ACAD11: variants seen among roughly 807,000 people sequenced by gnomAD.
ACAD11 encodes acyl-CoA dehydrogenase family member 11, also known as acyl-Coenzyme A dehydrogenase family, member 11.
A neutral mutation model predicts 102.2 loss-of-function variants in ACAD11; 83 were observed. That is an observed-to-expected ratio of 0.81 (90% CI 0.68 to 0.97). The LOEUF (loss-of-function observed/expected upper bound fraction) is 0.97, where lower values mean the gene tolerates loss of function less well. Among genes scored for constraint, ACAD11 ranks in the 50% least tolerant of loss-of-function variants. The probability of loss-of-function intolerance (pLI) is 0.00; values close to 1 mark genes in which losing one functional copy is unlikely to be tolerated. For missense variants in ACAD11, 901 were observed against 951.7 expected, an observed-to-expected ratio of 0.95 and a Z score of 0.70; for synonymous variants, 324 against 319.8, an observed-to-expected ratio of 1.01 and a Z score of -0.14.
At chr3:132,610,731 A>G (rs1241313302) in intron 11 of ACAD11, among the ~76,000 whole-genome samples, 1 of 152,316 alleles carries the variant, frequency 6.6e-6, no homozygotes, top group Non-Finnish European at 1.5e-5. Flanking sequence ...GCAATAATTA[A>G]TAACCTACCA....
intron 11 of ACAD11, among the ~76,000 whole-genome samples, chr3:132,609,076 A>C (rs1170551990): frequency 6.6e-6 from 1 of 152,218 alleles, no homozygotes; most frequent in Non-Finnish European, 1.5e-5. Flanking sequence ...AGAAATAAAT[A>C]AGTTATTTGA....
intron 13 of ACAD11, among the ~76,000 whole-genome samples, chr3:132,582,697 C>A (rs1210095933): frequency 6.6e-6 from 1 of 151,596 alleles, no homozygotes; most frequent in Non-Finnish European, 1.5e-5. Flanking sequence ...AAAAAAAACA[C>A]CTAAAATAGA....
chr3:132,640,432 T>A (rs1940449042), intron 4 of ACAD11, among the ~76,000 whole-genome samples: 2 of 152,330 alleles, frequency 1.3e-5, no homozygotes, highest in Middle Eastern at 3.4e-3. Context: ...CAGAATTTTC[T>A]AAATATTTTA....
chr3:132,604,354 CAT>C (rs1402091877), intron 12 of ACAD11, among the ~76,000 whole-genome samples: 1 of 152,136 alleles, frequency 6.6e-6, no homozygotes, highest in Admixed American at 6.5e-5. Flanking sequence ...TAAGAAAAAA[CAT>C]AGTCTAAATA....
At position 132,644,879 on chromosome 3, in the gene ACAD11, G is replaced by A; in HGVS notation, c.167C>T (p.Pro56Leu). The change falls in exon 2 of 20, where the codon CCA (proline) becomes CTA (leucine). Residue 56 changes from proline (P) to leucine (L), a missense_variant. Coordinates refer to ENST00000264990, the MANE Select transcript of ACAD11 (RefSeq NM_032169.5). Reference protein sequence around the residue: ...IAQYRAGKSNPTFYLQKGFQT... With the variant: ...IAQYRAGKSNLTFYLQKGFQT... ...AAAGCCCTTCTGGAGATAAAAGGTTGGATTGGACTTTCCTGCTCTAGATAA... is the reference window on the plus strand; with the variant it reads ...AAAGCCCTTCTGGAGATAAAAGGTTAGATTGGACTTTCCTGCTCTAGATAA... 1 of 1,607,528 alleles carries A rather than the reference G, an allele frequency of 6.2e-7. No homozygotes were observed. Among genetic ancestry groups the A allele is most frequent in the Non-Finnish European group, 8.5e-7 (1 of 1,177,366 alleles).
rs754965442 is a variant in ACAD11 at position 132,630,561 on chromosome 3, A to G, written c.842-3T>C. The stretch of plus-strand genomic sequence containing the variant: ...CAGTTCTTCCATTGATGGTATCCCT[A>G]TAAAAACAGCATGTAATATAAACTT... On this transcript the variant is annotated splice_region_variant and splice_polypyrimidine_tract_variant and intron_variant, in intron 6 of 19. Transcript: ENST00000264990. The G allele has an allele frequency of 6.2e-7, 1 of 1,601,290 alleles. No homozygotes were observed. Among genetic ancestry groups the G allele is most frequent in the Admixed American group, 1.7e-5 (1 of 57,306 alleles).
intron 13 of ACAD11, among the ~76,000 whole-genome samples, chr3:132,591,119 A>G (rs987398270): frequency 6.6e-6 from 1 of 152,062 alleles, no homozygotes; most frequent in Non-Finnish European, 1.5e-5. Context: ...GTCATCTTCC[A>G]GGGTTTTTAT....
intron 5 of ACAD11, 59 bp downstream of exon 5, chr3:132,639,433 C>T (rs1246265285): frequency 1.3e-6 from 2 of 1,537,350 alleles, no homozygotes; most frequent in East Asian, 2.3e-5. Context: ...GGAGCATTTA[C>T]TTAGTACTGT....
intron 13 of ACAD11, among the ~76,000 whole-genome samples, chr3:132,588,618 C>T (rs1937950130): frequency 6.6e-6 from 1 of 152,068 alleles, no homozygotes; most frequent in Admixed American, 6.6e-5. Context: ...GATTGAAATG[C>T]AACGGCTTTA....
At chr3:132,635,792 GA>G (rs1035210617) in intron 5 of ACAD11, among the ~76,000 whole-genome samples, 1 of 151,856 alleles carries the variant, frequency 6.6e-6, no homozygotes, top group African/African-American at 2.4e-5. Flanking sequence ...TGTTACTGTG[GA>G]AAAAAATTGA....
At chr3:132,606,612 G>T (rs896334267) in intron 11 of ACAD11, among the ~76,000 whole-genome samples, 1 of 152,222 alleles carries the variant, frequency 6.6e-6, no homozygotes, top group African/African-American at 2.4e-5. Flanking sequence ...ATCTCTAAAA[G>T]AAAGGCAGTA....
At chr3:132,639,859 C>T (rs187359982) in intron 4 of ACAD11, among the ~76,000 whole-genome samples, 10 of 152,118 alleles carry the variant, frequency 6.6e-5, no homozygotes. Context: ...TTCCATTTTA[C>T]TTACCTAGTT....
chr3:132,578,079 C>A (rs1230757067), intron 15 of ACAD11, among the ~76,000 whole-genome samples: 1 of 152,162 alleles, frequency 6.6e-6, no homozygotes, highest in African/African-American at 2.4e-5. Flanking sequence ...AAGCCAGGGG[C>A]TGGGCCCGGT....
intron 8 of ACAD11, among the ~76,000 whole-genome samples, chr3:132,627,853 T>C (rs1211697976): frequency 6.6e-6 from 1 of 152,162 alleles, no homozygotes; most frequent in Non-Finnish European, 1.5e-5. Flanking sequence ...CACACATGCA[T>C]CTGGTAAGCA....
intron 13 of ACAD11, among the ~76,000 whole-genome samples, chr3:132,593,280 T>G (rs1019799455): frequency 3.3e-5 from 5 of 152,054 alleles, no homozygotes; most frequent in Admixed American, 1.3e-4. Flanking sequence ...CTCCCTAAAT[T>G]ATAAAGAACA....
intron 5 of ACAD11, among the ~76,000 whole-genome samples, chr3:132,636,755 A>G (rs965904095): frequency 1.3e-5 from 2 of 152,202 alleles, no homozygotes; most frequent in African/African-American, 4.8e-5. Flanking sequence ...TCACCCATCA[A>G]TCTGCATACA....
chr3:132,624,405 G>T (rs557730602), intron 9 of ACAD11, among the ~76,000 whole-genome samples: 50 of 151,580 alleles, frequency 3.3e-4, no homozygotes, highest in African/African-American at 1.2e-3. Context: ...AGGAGTTCGA[G>T]ACCAGCCTGG....
chr3:132,615,483 T>A (rs1431211882), intron 11 of ACAD11, among the ~76,000 whole-genome samples: 1 of 152,198 alleles, frequency 6.6e-6, no homozygotes, highest in African/African-American at 2.4e-5. Flanking sequence ...CACCATGGAA[T>A]ACTATGCAGC....
intron 17 of ACAD11, among the ~76,000 whole-genome samples, chr3:132,573,202 T>C (rs921725997): frequency 3.9e-5 from 6 of 152,144 alleles, no homozygotes; most frequent in African/African-American, 1.2e-4. Context: ...TTATGCTTGG[T>C]CATGTTTGCC....
Sources: allele counts gnomAD v4.1 joint callset (sites outside exome capture counted in the v4.1 genomes callset), GRCh38; gene constraint gnomAD v4.1.1; transcripts MANE v1.5; gene names NCBI Gene and HGNC (gene_info 2026-07-23, HGNC 2026-07-21).